Variants in OCRL observed in about 807,000 individuals in gnomAD.
OCRL encodes OCRL inositol polyphosphate-5-phosphatase, also known as inositol polyphosphate 5-phosphatase OCRL.
OCRL carries 8 observed loss-of-function variants against 78.9 expected under a neutral mutation model. The observed-to-expected ratio is 0.10, with a 90% confidence interval of 0.06 to 0.18. The LOEUF is 0.18. Among genes scored for constraint, OCRL ranks in the 10% least tolerant of loss-of-function variants. The pLI is 1.00. For synonymous variants in OCRL, 240 were observed against 235.4 expected (o/e 1.02, Z -0.18); for missense variants, 454 against 696.7 (o/e 0.65, Z 3.92).
At chrX:129,587,188 A>C in intron 20 of OCRL, 70 bp downstream of exon 20, 15 of 670,368 alleles carry the variant, frequency 2.2e-5, no homozygotes, top group Non-Finnish European at 3.7e-5. Flanking sequence ...ACAACACCTC[A>C]CGTCAGCATA....
intron 9 of OCRL, 61 bp from the exon 10 acceptor site, chrX:129,561,118 C>T (rs1356939861): frequency 2.8e-6 from 2 of 726,267 alleles, no homozygotes; most frequent in African/African-American, 4.2e-5. Context: ...ACATATGGGA[C>T]AGGAGGTAGC....
intron 2 of OCRL, 130 bp downstream of exon 2, chrX:129,540,953 T>G: frequency 1.8e-6 from 1 of 552,991 alleles, no homozygotes; most frequent in Non-Finnish European, 3.2e-6. Flanking sequence ...AGGTGTGAAG[T>G]GCCAGTGCTC....
Position 129,540,306 on chromosome X carries a change from C to G in OCRL, c.-134C>G. 1.4e-6 allele frequency: 1 copy of G among 704,818 alleles called. No homozygotes were observed. The allele number at this position is 704,818 out of a possible 1,213,427, so 58.1% of individuals were successfully genotyped here. A position where few individuals can be genotyped will look rare whatever the true frequency, so the allele number is the denominator to read the frequency against. ...CTCCCAGCTCCCCGCTCCCGGCTCCCGGCGCCCGGCGCCCGGCGCGGAGCT... is the reference window on the plus strand; with the variant it reads ...CTCCCAGCTCCCCGCTCCCGGCTCCGGGCGCCCGGCGCCCGGCGCGGAGCT... On this transcript the variant is annotated 5_prime_UTR_variant, in exon 1 of 24. Transcript: ENST00000371113.
rs1303363161 is a variant in OCRL, at chrX:129,588,334, G to C, written c.2341+71G>C. The C allele has an allele frequency of 5.5e-6, 4 of 730,646 alleles. No homozygotes were observed. The Admixed American group carries it at 9.2e-5, about 17-fold the overall frequency. 60.2% of individuals were successfully genotyped at this position (730,646 alleles called of 1,213,427 possible). The stretch of plus-strand genomic sequence containing the variant: ...CAAACTCTTCTTCGCACCTATATTT[G>C]ATTTTTGTGGTTCTATATTTATTTT... On this transcript the variant is annotated intron_variant, in intron 21 of 23. Transcript: ENST00000371113.
rs1448748059 is a variant in OCRL at position 129,576,398 on chromosome X, A to T, written c.1961A>T (p.Glu654Val). ...CTGAACTCGGGAGAAGATAAGATTGAAGATATTCTCGTCCTTCACCTGGAT... is the reference window on the plus strand; with the variant it reads ...CTGAACTCGGGAGAAGATAAGATTGTAGATATTCTCGTCCTTCACCTGGAT... ...TILNSGEDKIEDILVLHLDRG... is the reference protein window; with the variant it reads ...TILNSGEDKIVDILVLHLDRG... The change falls in exon 18 of 24, where the codon GAA (glutamate) becomes GTA (valine). Residue 654 changes from glutamate (E) to valine (V), a missense_variant. Around this residue, in one of 2 missense-constraint regions of OCRL, gnomAD observed 277 missense variants for 517.1 expected, o/e 0.54. Transcript: ENST00000371113. 1 of 1,208,968 alleles carries T rather than the reference A, an allele frequency of 8.3e-7. No homozygotes were observed. The highest frequency in any genetic ancestry group is 1.1e-6 in the Non-Finnish European group (1 of 894,193).
chrX:129,581,853 C>T (rs1478065939), intron 18 of OCRL, among the ~76,000 whole-genome samples: 2 of 98,510 alleles, frequency 2.0e-5, no homozygotes, highest in African/African-American at 3.8e-5. Context: ...CTCTCTCTCT[C>T]TCTCTCTCTC....
intron 3 of OCRL, among the ~76,000 whole-genome samples, chrX:129,547,488 G>A (rs1330876480): frequency 2.1e-5 from 2 of 94,904 alleles, no homozygotes; most frequent in African/African-American, 8.3e-5. Flanking sequence ...TCGTGCCACT[G>A]CACTCCAGCC....
chrX:129,540,962 T>G (rs759388398), intron 2 of OCRL, 139 bp downstream of exon 2: 77 of 528,622 alleles, frequency 1.5e-4, no homozygotes. Context: ...GTGCCAGTGC[T>G]CTCTAACCTC....
rs897173465 is a variant in OCRL at position 129,582,851 on chromosome X, C to T, written c.2116-1493C>T. On this transcript the variant is annotated intron_variant, in intron 18 of 23. Transcript: ENST00000371113. ...CATTCAGTATTACCACTAGGAATGC[C>T]AGGGAGCACATACTTTTCCTCCTCC... Among the ~76,000 whole-genome samples, 3 of 111,557 alleles carry T rather than the reference C, an allele frequency of 2.7e-5. No homozygotes were observed. In the East Asian group the frequency reaches 8.4e-4, roughly 31 times the overall value.
At position 129,540,265 on chromosome X, in the gene OCRL, T is replaced by A. The variant is rs1349997020; in HGVS notation, c.-175T>A. On this transcript the variant is annotated 5_prime_UTR_variant, in exon 1 of 24. Coordinates refer to ENST00000371113, the MANE Select transcript of OCRL (RefSeq NM_000276.4). ...GGGGGCGCGAGGCGCCGCTCTCTCT[T>A]GGGTCAGATTCTCAGCTCCCAGCTC... 5.7e-6 allele frequency: 3 copies of A among 524,243 alleles called. No individual in the cohort carries two copies. The highest frequency in any genetic ancestry group is 3.8e-5 in the East Asian group (1 of 26,080). The allele number at this position is 524,243 out of a possible 1,213,427, so 43.2% of individuals were successfully genotyped here. A position where few individuals can be genotyped will look rare whatever the true frequency, so the allele number is the denominator to read the frequency against.
Position 129,590,083 on chromosome X carries a change from C to T in OCRL, c.2582-63C>T, listed in dbSNP as rs751438369. Reference sequence around the variant, plus strand: ...AGTCCTTGTCCCCAGGCCCTCCAGCCCTGAGGTTTTGCTTAGGTTATGTCT... The same window carrying T: ...AGTCCTTGTCCCCAGGCCCTCCAGCTCTGAGGTTTTGCTTAGGTTATGTCT... On this transcript the variant is annotated intron_variant, in intron 23 of 23. Coordinates refer to ENST00000371113, the MANE Select transcript of OCRL (RefSeq NM_000276.4). 9.1e-6 allele frequency: 11 copies of T among 1,206,221 alleles called. No individual in the cohort carries two copies. In the Admixed American group the frequency reaches 2.2e-4, roughly 24 times the overall value.
chrX:129,583,943 C>T (rs776343236), intron 18 of OCRL, among the ~76,000 whole-genome samples: 1 of 109,643 alleles, frequency 9.1e-6, no homozygotes, highest in Non-Finnish European at 1.9e-5. Context: ...AGTGGTTTAC[C>T]ATCTCCTTCC....
rs1332006181 is a variant in OCRL at position 129,574,229 on chromosome X, TG to T, written c.1603-910del. Among the ~76,000 whole-genome samples, 6 of 112,506 alleles carry T rather than the reference TG, an allele frequency of 5.3e-5. No individual in the cohort carries two copies. In the Admixed American group the frequency reaches 5.6e-4, roughly 11 times the overall value. On this transcript the variant is annotated intron_variant, in intron 15 of 23. Coordinates refer to ENST00000371113, the MANE Select transcript of OCRL (RefSeq NM_000276.4). ...ACATCTTTTTAGAACCTTTGCTGCA[TG>T]TATCAATTTTTTTTGACATGAATTT...
At chrX:129,573,725 T>A (rs1488544938) in intron 15 of OCRL, among the ~76,000 whole-genome samples, 1 of 110,916 alleles carries the variant, frequency 9.0e-6, no homozygotes, top group African/African-American at 3.3e-5. Context: ...TGGCTAATTT[T>A]TTTTTTGTAC....
chrX:129,543,707 T>C (rs747102779), intron 2 of OCRL, among the ~76,000 whole-genome samples: 19 of 112,930 alleles, frequency 1.7e-4, no homozygotes, highest in Admixed American at 6.5e-4. Context: ...GTTAACACAT[T>C]TGAAAATGCA....
chrX:129,584,478 G>C (rs933512041), intron 19 of OCRL, 111 bp downstream of exon 19: 3 of 713,119 alleles, frequency 4.2e-6, no homozygotes, highest in Non-Finnish European at 6.7e-6. Flanking sequence ...CTCTGACTTG[G>C]TGAGACTCCC....
At position 129,575,950 on chromosome X, in the gene OCRL, C is replaced by T; in HGVS notation, c.1767C>T (p.Ile589=). ...FRQLQKEKFQ[I]SNNGQVPCHF... ...AACTACAAAAGGAGAAGTTCCAGATCAGCAACAATGGACAGGTTCCCTGCC... is the reference window on the plus strand; with the variant it reads ...AACTACAAAAGGAGAAGTTCCAGATTAGCAACAATGGACAGGTTCCCTGCC... Residue 589 remains isoleucine, a synonymous_variant, in exon 17 of 24, where the codon ATC becomes ATT. Transcript: ENST00000371113. The T allele has an allele frequency of 8.3e-7, 1 of 1,211,630 alleles. No individual in the cohort carries two copies. Among genetic ancestry groups the T allele is most frequent in the Non-Finnish European group, 1.1e-6 (1 of 895,182 alleles).
rs758337656 is a variant in OCRL at position 129,541,313 on chromosome X, C to CT, written c.119+491dup. Among the ~76,000 whole-genome samples, 5 of 112,175 alleles carry CT rather than the reference C, an allele frequency of 4.5e-5. No individual in the cohort carries two copies. The South Asian group carries it at 1.9e-3, about 42-fold the overall frequency. ...ACCCTATTCAGCTGGTTTCTCCAGT[C>CT]TCCCCGTCCCCTTATCCCACTGGGT... is the stretch of plus-strand genomic sequence containing the variant. On this transcript the variant is annotated intron_variant, in intron 2 of 23. Coordinates refer to ENST00000371113, the MANE Select transcript of OCRL (RefSeq NM_000276.4).
intron 14 of OCRL, among the ~76,000 whole-genome samples, chrX:129,568,298 C>T (rs751881581): frequency 8.9e-6 from 1 of 112,044 alleles, no homozygotes; most frequent in African/African-American, 3.2e-5. Context: ...TACCTACTAT[C>T]TCTTTCTTTT....
Sources: gnomAD v4.1 joint callset for allele counts (sites outside exome capture counted in the v4.1 genomes callset) on GRCh38, gnomAD v4.1.1 for gene constraint, gnomAD v4.1.1 regional missense constraint, MANE v1.5 for transcripts, NCBI Gene and HGNC (gene_info 2026-07-23, HGNC 2026-07-21) for gene names.